ABI3BP: variants seen among roughly 807,000 people sequenced by gnomAD.
ABI3BP encodes ABI family member 3 binding protein.
ABI3BP carries 216 observed loss-of-function variants against 268.6 expected under a neutral mutation model. The observed-to-expected ratio is 0.80, with a 90% confidence interval of 0.72 to 0.90. ABI3BP has a LOEUF of 0.90. Ranked by LOEUF, ABI3BP falls within the 40% of genes least tolerant of loss-of-function variation. The pLI, the probability that ABI3BP is intolerant of heterozygous loss-of-function variation, is 0.00. For missense variants in ABI3BP, 2,090 were observed against 2,182.4 expected, an observed-to-expected ratio of 0.96 and a Z score of 0.84; for synonymous variants, 730 against 730.0, an observed-to-expected ratio of 1.00 and a Z score of 0.00.
chr3:100,932,153 T>C (rs997393953), intron 1 of ABI3BP, among the ~76,000 whole-genome samples: 8 of 152,090 alleles, frequency 5.3e-5, no homozygotes, highest in African/African-American at 1.9e-4. Flanking sequence ...GTTAGCCATA[T>C]GCAGAAGATT....
At chr3:100,778,707 T>TGTGTATTG in intron 58 of ABI3BP, 1 of 246,192 alleles carries the variant, frequency 4.1e-6, no homozygotes, top group Non-Finnish European at 7.7e-6. Context: ...AAAACCACAA[T>TGTGTATTG]AAAAATAACA....
chr3:100,751,147 ATT>A (rs2095298303), intron 67 of ABI3BP, among the ~76,000 whole-genome samples: 1 of 152,152 alleles, frequency 6.6e-6, no homozygotes, highest in African/African-American at 2.4e-5. Context: ...TTCTAATTAT[ATT>A]TATACAGTTA....
At chr3:100,819,353 C>G (rs1374465174) in intron 40 of ABI3BP, among the ~76,000 whole-genome samples, 1 of 152,074 alleles carries the variant, frequency 6.6e-6, no homozygotes, top group Non-Finnish European at 1.5e-5. Flanking sequence ...TATTCTTATT[C>G]TTCATAACAT....
chr3:100,774,503 T>C, intron 61 of ABI3BP, 102 bp downstream of exon 61: 2 of 838,788 alleles, frequency 2.4e-6, no homozygotes, highest in Non-Finnish European at 3.6e-6. Flanking sequence ...ATTATTATAA[T>C]AGGCTACTAA....
At chr3:100,831,593 T>C (rs2098495158) in intron 31 of ABI3BP, among the ~76,000 whole-genome samples, 1 of 152,074 alleles carries the variant, frequency 6.6e-6, no homozygotes, top group African/African-American at 2.4e-5. Flanking sequence ...TTTAAGCTCT[T>C]GAGTAGACAT....
intron 6 of ABI3BP, among the ~76,000 whole-genome samples, chr3:100,882,314 T>C (rs1000318229): frequency 7.2e-5 from 11 of 152,094 alleles, no homozygotes; most frequent in African/African-American, 2.6e-4. Flanking sequence ...ACCTCCAAAG[T>C]ATCAAACCAC....
At chr3:100,819,947 CAAAA>C (rs3029879) in intron 40 of ABI3BP, among the ~76,000 whole-genome samples, 80 of 94,640 alleles carry the variant, frequency 8.5e-4, no homozygotes, top group South Asian at 4.4e-3. Context: ...GACTCCGTCT[CAAAA>C]AAAAAAAAAA....
At chr3:100,890,162 T>C (rs1467590162) in intron 4 of ABI3BP, among the ~76,000 whole-genome samples, 1 of 152,176 alleles carries the variant, frequency 6.6e-6, no homozygotes, top group Non-Finnish European at 1.5e-5. Context: ...GTTGACTGTC[T>C]TTTGGGTTTT....
intron 57 of ABI3BP, 43 bp from the exon 58 acceptor site, chr3:100,780,252 A>C: frequency 6.3e-7 from 1 of 1,585,476 alleles, no homozygotes; most frequent in South Asian, 1.1e-5. Context: ...TATAGCAAAA[A>C]TGTTCCATGG....
chr3:100,961,230 C>T (rs1033089718), intron 1 of ABI3BP, among the ~76,000 whole-genome samples: 1 of 152,214 alleles, frequency 6.6e-6, no homozygotes, highest in Non-Finnish European at 1.5e-5. Flanking sequence ...CAGCTGCTCA[C>T]TATCACGCTT....
intron 57 of ABI3BP, among the ~76,000 whole-genome samples, chr3:100,781,429 C>G (rs751458256): frequency 6.6e-6 from 1 of 152,000 alleles, no homozygotes; most frequent in Admixed American, 6.6e-5. Context: ...ATGAATTAAA[C>G]TTATTTGTGA....
At chr3:100,864,807 GA>G (rs10711419) in intron 11 of ABI3BP, 25 bp downstream of exon 11, 409,686 of 1,295,452 alleles carry the variant, frequency 0.32, 46,854 homozygotes, top group Middle Eastern at 0.39. Context: ...TGTTTTTTTA[GA>G]AAAAAAAAAA....
chr3:100,972,303 C>T (rs2083989680), intron 1 of ABI3BP, among the ~76,000 whole-genome samples: 1 of 152,094 alleles, frequency 6.6e-6, no homozygotes, highest in African/African-American at 2.4e-5. Context: ...TGCAAATAAA[C>T]TAGTGCTAGC....
Position 100,839,568 on chromosome 3 carries a change from C to T in ABI3BP, c.1945+1G>A, listed in dbSNP as rs780272170. On this transcript the variant is annotated splice_donor_variant, in intron 24 of 67. Transcript: ENST00000471714. LOFTEE classifies it high-confidence loss of function. ...AGCCGTGGTGGAGGGAGTAGAATTA[C>T]CAGTTGTGGGCACCAAGGGCTCCGG... 139 of 1,535,654 alleles carry T rather than the reference C, an allele frequency of 9.1e-5. No individual in the cohort carries two copies. In the African/African-American group the frequency reaches 1.8e-3, roughly 20 times the overall value.
chr3:100,871,624 C>T (rs1016625463), intron 9 of ABI3BP, among the ~76,000 whole-genome samples: 1 of 152,142 alleles, frequency 6.6e-6, no homozygotes. Flanking sequence ...CTCTTTTTGC[C>T]TGCTGCCATC....
chr3:100,975,774 G>T (rs912374924), intron 1 of ABI3BP, among the ~76,000 whole-genome samples: 27 of 151,992 alleles, frequency 1.8e-4, no homozygotes, highest in African/African-American at 4.4e-4. Flanking sequence ...GGGCCTTGTG[G>T]TTCCCTGAAT....
At chr3:100,951,567 G>T (rs1489357982) in intron 1 of ABI3BP, among the ~76,000 whole-genome samples, 1 of 151,922 alleles carries the variant, frequency 6.6e-6, no homozygotes, top group Non-Finnish European at 1.5e-5. Context: ...TGTTGATGCG[G>T]TCAGGCTCCA....
intron 1 of ABI3BP, among the ~76,000 whole-genome samples, chr3:100,939,514 G>T (rs2067872722): frequency 6.6e-6 from 1 of 151,980 alleles, no homozygotes; most frequent in Non-Finnish European, 1.5e-5. Context: ...GGTAGGTTCT[G>T]TGATGCCCCC....
intron 57 of ABI3BP, among the ~76,000 whole-genome samples, chr3:100,783,645 G>A (rs538396160): frequency 1.3e-5 from 2 of 152,272 alleles, no homozygotes; most frequent in South Asian, 4.1e-4. Context: ...TACAGAAACA[G>A]TCTGCCAACC....
Sources: gnomAD v4.1 joint callset for allele counts (sites outside exome capture counted in the v4.1 genomes callset) on GRCh38, gnomAD v4.1.1 for gene constraint, MANE v1.5 for transcripts, NCBI Gene and HGNC (gene_info 2026-07-23, HGNC 2026-07-21) for gene names.